CLSTN2: variants seen among roughly 807,000 people sequenced by gnomAD.
The protein encoded by CLSTN2 is calsyntenin 2.
A neutral mutation model predicts 101.2 loss-of-function variants in CLSTN2; 48 were observed. That is an observed-to-expected ratio of 0.47 (90% CI 0.38 to 0.60). The LOEUF (loss-of-function observed/expected upper bound fraction) is 0.60. Among genes scored for constraint, CLSTN2 ranks in the 20% least tolerant of loss-of-function variants. The pLI is 0.00. For synonymous variants in CLSTN2, 481 were observed against 463.6 expected, an observed-to-expected ratio of 1.04 and a Z score of -0.48; for missense variants, 1,160 against 1,238.2, an observed-to-expected ratio of 0.94 and a Z score of 0.95.
intron 5 of CLSTN2, among the ~76,000 whole-genome samples, chr3:140,423,923 G>T (rs1446936248): frequency 6.6e-6 from 1 of 152,212 alleles, no homozygotes; most frequent in Non-Finnish European, 1.5e-5. Context: ...GGGTACAGGG[G>T]CAGGACTTGC....
intron 8 of CLSTN2, among the ~76,000 whole-genome samples, chr3:140,518,044 C>T (rs778025677): frequency 3.3e-5 from 5 of 152,112 alleles, no homozygotes; most frequent in Non-Finnish European, 5.9e-5. Context: ...TTATGACTGT[C>T]TCTCCTGTGT....
chr3:140,347,219 A>G (rs1361507208), intron 2 of CLSTN2, among the ~76,000 whole-genome samples: 1 of 152,248 alleles, frequency 6.6e-6, no homozygotes, highest in Non-Finnish European at 1.5e-5. Context: ...TACTAGACCA[A>G]CAACAACAAG....
chr3:139,990,099 A>G (rs1303908138), intron 1 of CLSTN2, among the ~76,000 whole-genome samples: 1 of 152,220 alleles, frequency 6.6e-6, no homozygotes, highest in Non-Finnish European at 1.5e-5. Context: ...GCTGTGAGTC[A>G]TTTTGGTAAT....
chr3:139,968,572 G>T (rs1386574491), intron 1 of CLSTN2, among the ~76,000 whole-genome samples: 3 of 152,188 alleles, frequency 2.0e-5, no homozygotes, highest in African/African-American at 7.2e-5. Context: ...TCACCAGAAA[G>T]CAGATGTCAG....
intron 3 of CLSTN2, 36 bp downstream of exon 3, chr3:140,403,860 C>CGAGAT: frequency 6.6e-7 from 1 of 1,516,198 alleles, no homozygotes; most frequent in South Asian, 1.2e-5. Context: ...GACGCCCCTC[C>CGAGAT]CTCCCGTGCC....
At chr3:139,960,132 G>T in intron 1 of CLSTN2, among the ~76,000 whole-genome samples, 1 of 152,174 alleles carries the variant, frequency 6.6e-6, no homozygotes, top group East Asian at 1.9e-4. Flanking sequence ...AAAGCCCTCT[G>T]ATTTGTAGCA....
chr3:140,466,172 T>C (rs1004946032), intron 7 of CLSTN2, among the ~76,000 whole-genome samples: 1 of 152,116 alleles, frequency 6.6e-6, no homozygotes, highest in African/African-American at 2.4e-5. Context: ...TGCTATCTGA[T>C]GAAATAAAAT....
intron 1 of CLSTN2, among the ~76,000 whole-genome samples, chr3:140,028,499 G>A (rs1184625332): frequency 2.6e-5 from 4 of 152,184 alleles, no homozygotes; most frequent in Non-Finnish European, 4.4e-5. Context: ...GGGCTCCCAT[G>A]TTAGGATACA....
intron 1 of CLSTN2, among the ~76,000 whole-genome samples, chr3:140,064,066 T>G (rs2008257674): frequency 6.6e-6 from 1 of 152,252 alleles, no homozygotes; most frequent in Admixed American, 6.5e-5. Context: ...ACCTGCCCGG[T>G]GAGCAAGCGT....
chr3:139,998,404 G>A (rs2006736046), intron 1 of CLSTN2, among the ~76,000 whole-genome samples: 1 of 35,990 alleles, frequency 2.8e-5, no homozygotes, highest in Non-Finnish European at 1.1e-4. Flanking sequence ...AGTGGCGCGA[G>A]GCTCACTGCA....
At chr3:140,370,089 C>T (rs1362751042) in intron 2 of CLSTN2, among the ~76,000 whole-genome samples, 6 of 152,196 alleles carry the variant, frequency 3.9e-5, no homozygotes, top group South Asian at 2.1e-4. Flanking sequence ...GGTGAGAGGA[C>T]GTGTGAACAG....
intron 2 of CLSTN2, among the ~76,000 whole-genome samples, chr3:140,340,797 C>T (rs1445136190): frequency 2.0e-5 from 3 of 152,176 alleles, no homozygotes; most frequent in South Asian, 2.1e-4. Flanking sequence ...TTAGCTGTCA[C>T]GTCTTCTTAG....
intron 2 of CLSTN2, among the ~76,000 whole-genome samples, chr3:140,392,663 T>C (rs2088128932): frequency 6.6e-6 from 1 of 152,116 alleles, no homozygotes; most frequent in Admixed American, 6.5e-5. Flanking sequence ...ATTAAAAAAG[T>C]CATTTTTCGA....
At chr3:139,985,887 G>A (rs776458303) in intron 1 of CLSTN2, among the ~76,000 whole-genome samples, 27 of 152,280 alleles carry the variant, frequency 1.8e-4, no homozygotes, top group Non-Finnish European at 2.2e-4. Flanking sequence ...AATGTAGCTC[G>A]TCTGACTAAG....
chr3:140,018,149 C>G (rs994120912), intron 1 of CLSTN2, among the ~76,000 whole-genome samples: 4 of 152,222 alleles, frequency 2.6e-5, no homozygotes, highest in African/African-American at 9.6e-5. Flanking sequence ...TCTATCCTTA[C>G]GTCTCATTGT....
intron 8 of CLSTN2, among the ~76,000 whole-genome samples, chr3:140,468,183 C>A (rs1933753608): frequency 6.6e-6 from 1 of 152,188 alleles, no homozygotes; most frequent in Non-Finnish European, 1.5e-5. Flanking sequence ...TTCTCAGCAA[C>A]CTCTCAGCTA....
intron 2 of CLSTN2, among the ~76,000 whole-genome samples, chr3:140,213,432 C>A (rs911285378): frequency 2.0e-5 from 3 of 152,230 alleles, no homozygotes; most frequent in African/African-American, 7.2e-5. Context: ...AATCCTTCCA[C>A]CTGCCTATTG....
At chr3:140,444,371 G>A (rs1372427590) in intron 5 of CLSTN2, among the ~76,000 whole-genome samples, 7 of 152,070 alleles carry the variant, frequency 4.6e-5, no homozygotes, top group African/African-American at 1.2e-4. Context: ...TGGAGGTTAC[G>A]GTGGGCTGAG....
chr3:140,537,385 G>GA (rs150656306), intron 9 of CLSTN2, among the ~76,000 whole-genome samples: 2,080 of 150,128 alleles, frequency 0.014, 54 homozygotes, highest in African/African-American at 0.048. Context: ...TTCTAGCAAT[G>GA]AAAAAAAAAT....
Sources: gnomAD v4.1 joint callset for allele counts (sites outside exome capture counted in the v4.1 genomes callset) on GRCh38, gnomAD v4.1.1 for gene constraint, MANE v1.5 for transcripts, NCBI Gene and HGNC (gene_info 2026-07-23, HGNC 2026-07-21) for gene names.